Variants in CSMD1 observed in about 807,000 individuals in gnomAD.
The protein encoded by CSMD1 is CUB and sushi domain-containing protein 1.
Under a neutral mutation model 417.5 loss-of-function variants are expected in CSMD1, and 213 were observed. The ratio of observed to expected loss-of-function variants is 0.51; its 90% CI spans 0.46 to 0.57. The LOEUF (loss-of-function observed/expected upper bound fraction) is 0.57, where lower values mean the gene tolerates loss of function less well. Among genes scored for constraint, CSMD1 ranks in the 20% least tolerant of loss-of-function variants. The pLI is 0.00. For synonymous variants in CSMD1, 2,862 were observed against 1,736.8 expected (o/e 1.65, Z -16.11); for missense variants, 6,923 against 4,529.7 (o/e 1.53, Z -15.17).
At position 3,778,166 on chromosome 8, in the gene CSMD1, T is replaced by G. The variant is rs572527346; in HGVS notation, c.819-24124A>C. Among the ~76,000 whole-genome samples the G allele has an allele frequency of 6.6e-5, 10 of 152,210 alleles. 1 individual carries two copies. The South Asian group carries it at 1.9e-3, about 28-fold the overall frequency. On this transcript the variant is annotated intron_variant, in intron 5 of 69. Transcript: ENST00000635120. The stretch of plus-strand genomic sequence containing the variant: ...AGTGGAAAAATGTGTCAGGATAGAT[T>G]AGAGGCGTCAGCAGGGGGCAGGGAC...
At chr8:4,211,080 C>G (rs530446680) in intron 3 of CSMD1, among the ~76,000 whole-genome samples, 1 of 152,244 alleles carries the variant, frequency 6.6e-6, no homozygotes, top group Admixed American at 6.5e-5. Context: ...GTTCACATAT[C>G]ATTGTACATT....
At chr8:4,989,863 A>G (rs1168344583) in intron 1 of CSMD1, among the ~76,000 whole-genome samples, 2 of 152,132 alleles carry the variant, frequency 1.3e-5, no homozygotes, top group African/African-American at 4.8e-5. Context: ...AAGCAGAACC[A>G]TTTTCTTGAC....
intron 3 of CSMD1, among the ~76,000 whole-genome samples, chr8:4,412,596 G>C (rs1796710013): frequency 6.6e-6 from 1 of 152,070 alleles, no homozygotes; most frequent in African/African-American, 2.4e-5. Flanking sequence ...CTCACAAGTG[G>C]AATTTCTCTT....
chr8:3,994,991 T>C (rs751265481), intron 5 of CSMD1, among the ~76,000 whole-genome samples: 2 of 152,152 alleles, frequency 1.3e-5, no homozygotes, highest in African/African-American at 4.8e-5. Flanking sequence ...AATGACCCTG[T>C]GCTTGGGAAG....
chr8:3,035,950 A>G (rs1810646413), intron 50 of CSMD1, among the ~76,000 whole-genome samples: 1 of 152,206 alleles, frequency 6.6e-6, no homozygotes, highest in Non-Finnish European at 1.5e-5. Context: ...ACTGGAGATC[A>G]TTTCAAAATA....
At chr8:3,786,530 A>G (rs143279431) in intron 5 of CSMD1, among the ~76,000 whole-genome samples, 1 of 152,296 alleles carries the variant, frequency 6.6e-6, no homozygotes, top group East Asian at 1.9e-4. Context: ...AGAATATCAC[A>G]GCTCCCGAGT....
At position 3,783,070 on chromosome 8, in the gene CSMD1, C is replaced by T. The variant is rs1799266151; in HGVS notation, c.819-29028G>A. ...ACACTTCCTACTGTTGAAAGCAAGT[C>T]CCCATCTCCCCATCCCGTAACCCCC... On this transcript the variant is annotated intron_variant, in intron 5 of 69. Coordinates refer to ENST00000635120, the MANE Select transcript of CSMD1 (RefSeq NM_033225.6). Among the ~76,000 whole-genome samples, 3 of 152,256 alleles carry T rather than the reference C, an allele frequency of 2.0e-5. No individual in the cohort carries two copies. The South Asian group carries it at 6.2e-4, about 32-fold the overall frequency.
chr8:4,390,643 A>T (rs1303977203), intron 3 of CSMD1, among the ~76,000 whole-genome samples: 1 of 151,598 alleles, frequency 6.6e-6, no homozygotes, highest in Non-Finnish European at 1.5e-5. Context: ...CCTCCCAAGG[A>T]GCTGGGACGA....
At chr8:3,094,087 T>TA (rs935084032) in intron 47 of CSMD1, among the ~76,000 whole-genome samples, 12 of 151,096 alleles carry the variant, frequency 7.9e-5, no homozygotes, top group East Asian at 3.9e-4. Context: ...TTTAGGGTTT[T>TA]TTTTATTTTA....
intron 11 of CSMD1, among the ~76,000 whole-genome samples, chr8:3,476,314 T>A (rs4285515): frequency 0.6 from 91,983 of 152,078 alleles, 28,551 homozygotes; most frequent in Middle Eastern, 0.73. Context: ...AGTAATGATT[T>A]TAGTTCTCTT....
intron 3 of CSMD1, among the ~76,000 whole-genome samples, chr8:4,269,907 A>G (rs551668931): frequency 3.3e-5 from 5 of 152,316 alleles, no homozygotes; most frequent in African/African-American, 1.2e-4. Context: ...ATTCCATTAC[A>G]GATGGAGGAA....
intron 3 of CSMD1, among the ~76,000 whole-genome samples, chr8:4,155,085 T>G (rs1051013881): frequency 6.6e-6 from 1 of 152,210 alleles, no homozygotes; most frequent in African/African-American, 2.4e-5. Context: ...TGCTTTGAAC[T>G]CATGCAATGC....
In CSMD1 at chr8:3,110,453, A is replaced by T. The variant is rs575682612; in HGVS notation, c.6431-118T>A. ...TTTTTCCTGATGGGAAATAGGTGTGAAATATTTCTGAATCACCATTTTGTC... is the reference window on the plus strand; with the variant it reads ...TTTTTCCTGATGGGAAATAGGTGTGTAATATTTCTGAATCACCATTTTGTC... On this transcript the variant is annotated intron_variant, in intron 42 of 69. Transcript: ENST00000635120. 8 of 773,948 alleles carry T rather than the reference A, an allele frequency of 1.0e-5. No homozygotes were observed. The South Asian group carries it at 2.2e-4, about 21-fold the overall frequency. The allele number at this position is 773,948 out of a possible 1,614,324, so 47.9% of individuals were successfully genotyped here.
chr8:3,142,559 G>A lies in CSMD1; in HGVS notation c.6147C>T (p.Leu2049=). The A allele has an allele frequency of 6.2e-7, 1 of 1,613,964 alleles. No individual in the cohort carries two copies. Among genetic ancestry groups the A allele is most frequent in the Non-Finnish European group, 8.5e-7 (1 of 1,179,886 alleles). Residue 2049 remains leucine, a synonymous_variant, in exon 41 of 70, where the codon CTC becomes CTT. Transcript: ENST00000635120. The part of the protein sequence containing the change: ...PMIGQFSGTD[L]PAALLSTTHE... ...GCGTTGTGCTCAGCAGGGCCGCGGG[G>A]AGATCCGTGCCGCTAAATTGTCCAA...
chr8:3,983,437 C>A (rs1429966371), intron 5 of CSMD1, among the ~76,000 whole-genome samples: 1 of 152,040 alleles, frequency 6.6e-6, no homozygotes, highest in Non-Finnish European at 1.5e-5. Context: ...GCCGCAGCCT[C>A]CCACATCTAA....
chr8:4,690,655 A>G (rs952458037), intron 1 of CSMD1, among the ~76,000 whole-genome samples: 4 of 152,198 alleles, frequency 2.6e-5, no homozygotes, highest in Non-Finnish European at 4.4e-5. Flanking sequence ...TTGTGAAATA[A>G]TCTCAGCATT....
Position 3,583,567 on chromosome 8 carries a change from C to T in CSMD1, c.1222+2569G>A, listed in dbSNP as rs183712243. 3.3e-5 allele frequency among the ~76,000 whole-genome samples: 5 copies of T among 152,024 alleles called. No individual in the cohort carries two copies. In the East Asian group the frequency reaches 5.8e-4, roughly 18 times the overall value. The stretch of plus-strand genomic sequence containing the variant: ...TAAGGAGAGTTGCAGGCCATGTGTC[C>T]AAGAGGCCACTTGATTTCTTCTTGC... On this transcript the variant is annotated intron_variant, in intron 9 of 69. Transcript: ENST00000635120.
intron 5 of CSMD1, among the ~76,000 whole-genome samples, chr8:3,843,347 T>G (rs975764429): frequency 2.0e-5 from 3 of 152,206 alleles, no homozygotes; most frequent in African/African-American, 7.2e-5. Flanking sequence ...AGACTTTATT[T>G]ACTGAATATT....
chr8:3,530,332 C>T (rs1454876325), intron 10 of CSMD1, among the ~76,000 whole-genome samples: 3 of 152,050 alleles, frequency 2.0e-5, no homozygotes, highest in African/African-American at 7.2e-5. Flanking sequence ...TGGCTGCATC[C>T]TGTAAGTTTT....
Sources: gnomAD v4.1 joint callset for allele counts (sites outside exome capture counted in the v4.1 genomes callset) on GRCh38, gnomAD v4.1.1 for gene constraint, MANE v1.5 for transcripts, NCBI Gene and HGNC (gene_info 2026-07-23, HGNC 2026-07-21) for gene names.